The following CD6 variants were observed in gnomAD, a reference collection of about 807,000 sequenced individuals.
CD6 encodes the protein T-cell differentiation antigen CD6.
Under a neutral mutation model 75.3 loss-of-function variants are expected in CD6, and 53 were observed. That is an observed-to-expected ratio of 0.70 (90% CI 0.56 to 0.88). The LOEUF (loss-of-function observed/expected upper bound fraction) is 0.88. Among genes scored for constraint, CD6 ranks in the 40% least tolerant of loss-of-function variants. The pLI is 0.00. For missense variants in CD6, 770 were observed against 897.1 expected (o/e 0.86, Z 1.81); for synonymous variants, 359 against 381.5 (o/e 0.94, Z 0.69).
At chr11:60,976,497 T>C (rs917397250) in intron 1 of CD6, among the ~76,000 whole-genome samples, 7 of 152,140 alleles carry the variant, frequency 4.6e-5, no homozygotes, top group African/African-American at 1.7e-4. Flanking sequence ...TTTAACACCA[T>C]TGGATATATA....
intron 8 of CD6, 150 bp from the exon 9 acceptor site, chr11:61,015,563 C>T (rs939438831): frequency 2.3e-6 from 2 of 876,508 alleles, no homozygotes; most frequent in Non-Finnish European, 3.6e-6. Context: ...AGAGTGAGAC[C>T]CTGTCCCAGA....
intron 4 of CD6, 126 bp downstream of exon 4, chr11:61,008,971 G>A (rs1356381764): frequency 3.8e-6 from 3 of 788,374 alleles, no homozygotes. Context: ...TTCAGGAGGG[G>A]AGATGAGACT....
At chr11:61,005,375 G>T (rs553000194) in intron 1 of CD6, among the ~76,000 whole-genome samples, 1 of 152,290 alleles carries the variant, frequency 6.6e-6, no homozygotes, top group African/African-American at 2.4e-5. Flanking sequence ...GGGGGCCAGA[G>T]GAATAAGTGT....
Position 61,018,327 on chromosome 11 carries a change from G to T in CD6, c.1876G>T (p.Gly626Trp), listed in dbSNP as rs1304919313. The T allele has an allele frequency of 1.9e-6, 3 of 1,608,328 alleles. No homozygotes were observed. The highest frequency in any genetic ancestry group is 2.5e-6 in the Non-Finnish European group (3 of 1,177,542). The part of the protein sequence containing the change: ...PADDSSSTSS[G>W]EWYQNFQPPP... Reference sequence around the variant, plus strand: ...TGATGACAGCTCCAGCACCTCATCCGGGGAGTGGTACCAGAACTTCCAGCC... The same window carrying T: ...TGATGACAGCTCCAGCACCTCATCCTGGGAGTGGTACCAGAACTTCCAGCC... Residue 626 changes from glycine (G) to tryptophan (W), a missense_variant, in exon 12 of 13, where the codon GGG becomes TGG. Gly to Trp is a radical substitution (Grantham distance 184). Coordinates refer to ENST00000313421, the MANE Select transcript of CD6 (RefSeq NM_006725.5).
chr11:61,018,607 C>G (rs541765030), intron 12 of CD6: 72 of 539,418 alleles, frequency 1.3e-4, no homozygotes, highest in Non-Finnish European at 1.9e-4. Context: ...TGCTTGAGGC[C>G]AGGAATTTAC....
chr11:60,974,639 G>A (rs1179745578), intron 1 of CD6, among the ~76,000 whole-genome samples: 1 of 152,198 alleles, frequency 6.6e-6, no homozygotes, highest in Admixed American at 6.5e-5. Flanking sequence ...TTGTGTTGCT[G>A]ATTTCTGTTG....
chr11:60,986,882 C>T (rs529283483), intron 1 of CD6, among the ~76,000 whole-genome samples: 4 of 152,318 alleles, frequency 2.6e-5, no homozygotes, highest in South Asian at 4.1e-4. Flanking sequence ...AATCCCTGCA[C>T]TTTGGGAGGC....
intron 1 of CD6, among the ~76,000 whole-genome samples, chr11:60,991,496 A>G (rs184936189): frequency 8.0e-4 from 121 of 152,046 alleles, no homozygotes; most frequent in Non-Finnish European, 1.6e-3. Context: ...GGCTATGATC[A>G]TCCTGAATAT....
chr11:60,975,332 T>C (rs962533779), intron 1 of CD6, among the ~76,000 whole-genome samples: 1 of 152,202 alleles, frequency 6.6e-6, no homozygotes, highest in Non-Finnish European at 1.5e-5. Context: ...CAAATTGAGA[T>C]GTGTAAAGTG....
At chr11:60,990,429 G>C (rs2135068168) in intron 1 of CD6, among the ~76,000 whole-genome samples, 1 of 152,156 alleles carries the variant, frequency 6.6e-6, no homozygotes, top group Admixed American at 6.5e-5. Context: ...TCACCATGTT[G>C]GTCACACTGG....
At chr11:61,010,444 C>T (rs927535975) in intron 5 of CD6, among the ~76,000 whole-genome samples, 3 of 152,152 alleles carry the variant, frequency 2.0e-5, no homozygotes, top group Admixed American at 6.5e-5. Flanking sequence ...GCCATTATCC[C>T]AATTTCAGAC....
In CD6 at chr11:61,020,323, G is replaced by C; in HGVS notation, c.*1005G>C. 2.5e-6 allele frequency: 1 copy of C among 399,024 alleles called. No homozygotes were observed. The highest frequency in any genetic ancestry group is 4.4e-6 in the Non-Finnish European group (1 of 226,064). 24.7% of individuals were successfully genotyped at this position (399,024 alleles called of 1,614,324 possible). On this transcript the variant is annotated 3_prime_UTR_variant, in exon 13 of 13. Coordinates refer to ENST00000313421, the MANE Select transcript of CD6 (RefSeq NM_006725.5). ...GAGAGAGGCCCATGGGCTCAGACCA[G>C]GCTTTGTTGTCCTGCTCTGAGTATC...
intron 1 of CD6, among the ~76,000 whole-genome samples, chr11:60,977,667 G>A (rs553377164): frequency 2.0e-5 from 3 of 151,300 alleles, no homozygotes; most frequent in South Asian, 4.2e-4. Context: ...ATGGAGTCTC[G>A]CTCTGTCGCC....
In CD6 at chr11:61,017,539, C is replaced by G; in HGVS notation, c.1571C>G (p.Pro524Arg). 6.4e-7 allele frequency: 1 copy of G among 1,554,920 alleles called. No homozygotes were observed. The highest frequency in any genetic ancestry group is 2.4e-5 in the East Asian group (1 of 41,236). ...CAGCAAAGCAGGTTCCAGATGCCAC[C>G]CTTGGAGGAAGGTGAGTCAGGATGG... ...EVQQSRFQMPPLEEGLEELHA... is the reference protein window; with the variant it reads ...EVQQSRFQMPRLEEGLEELHA... Residue 524 changes from proline (P) to arginine (R), a missense_variant, in exon 10 of 13, where the codon CCC (proline) becomes CGC (arginine). Physicochemically the swap from Pro to Arg is moderately radical, Grantham distance 103. Transcript: ENST00000313421.
rs1442730470 is a variant in CD6, at chr11:61,008,708, A to G, written c.644A>G (p.His215Arg). Residue 215 changes from histidine to arginine, a missense_variant, in exon 4 of 13, where the codon CAC (histidine) becomes CGC (arginine). By Grantham distance (29) the His-to-Arg change is conservative. Transcript: ENST00000313421. ...GCAGTCCAGGCCCTGCCCGGCTTGC[A>G]CTTCACGCCCGGCCGCGGGCCTATC... Reference protein sequence around the residue: ...GWAVQALPGLHFTPGRGPIHR... With the variant: ...GWAVQALPGLRFTPGRGPIHR... The G allele has an allele frequency of 6.2e-7, 1 of 1,607,954 alleles. No individual in the cohort carries two copies. Among genetic ancestry groups the G allele is most frequent in the East Asian group, 2.2e-5 (1 of 44,644 alleles).
chr11:60,982,705 G>A (rs952782655), intron 1 of CD6: 7 of 455,950 alleles, frequency 1.5e-5, no homozygotes, highest in Non-Finnish European at 3.1e-5. Flanking sequence ...GTATGACAAT[G>A]TCTGAGCTGG....
chr11:60,991,123 T>G (rs1418392586), intron 1 of CD6, among the ~76,000 whole-genome samples: 3 of 149,970 alleles, frequency 2.0e-5, no homozygotes, highest in Non-Finnish European at 4.4e-5. Context: ...TTTTCTTTCT[T>G]TCTTTCTTTT....
chr11:61,004,822 C>T (rs986435152), intron 1 of CD6, among the ~76,000 whole-genome samples: 5 of 152,216 alleles, frequency 3.3e-5, no homozygotes, highest in Admixed American at 2.6e-4. Context: ...GCAGTTCCTC[C>T]GCAACCCAGG....
chr11:61,014,145 C>T (rs1234442406), intron 8 of CD6, 131 bp downstream of exon 8: 6 of 630,906 alleles, frequency 9.5e-6, no homozygotes, highest in Non-Finnish European at 1.3e-5. Flanking sequence ...AGCCCACTCC[C>T]GGCCCTGGGA....
Sources: allele counts gnomAD v4.1 joint callset (sites outside exome capture counted in the v4.1 genomes callset), GRCh38; gene constraint gnomAD v4.1.1; transcripts MANE v1.5; gene names NCBI Gene and HGNC (gene_info 2026-07-23, HGNC 2026-07-21).